CEP43: variants seen among roughly 807,000 people sequenced by gnomAD.
CEP43 encodes FGFR1 oncogene partner.
Under a neutral mutation model 52.6 loss-of-function variants are expected in CEP43, and 36 were observed. The ratio of observed to expected loss-of-function variants is 0.68; its 90% CI spans 0.52 to 0.90. The LOEUF (loss-of-function observed/expected upper bound fraction) is 0.90. CEP43 is among the 40% of genes least tolerant of loss of function. CEP43 has a pLI of 0.00. For synonymous variants in CEP43, 192 were observed against 172.4 expected (o/e 1.11, Z -0.89); for missense variants, 506 against 472.8 (o/e 1.07, Z -0.65).
In CEP43 at chr6:167,022,588, T is replaced by G. The variant is rs1780261899; in HGVS notation, c.759T>G (p.Asp253Glu). 6.2e-7 allele frequency: 1 copy of G among 1,614,014 alleles called. No homozygotes were observed. The highest frequency in any genetic ancestry group is 1.7e-5 in the Admixed American group (1 of 60,000). ...LCPDEDDMEGDSFFDDPIPKP... is the reference protein window; with the variant it reads ...LCPDEDDMEGESFFDDPIPKP... The stretch of plus-strand genomic sequence containing the variant: ...CAGATGAAGATGATATGGAAGGAGA[T>G]TCTTTCTTTGATGATCCCATTCCTA... The change falls in exon 8 of 13, where the codon GAT (aspartate) becomes GAG (glutamate). Residue 253 changes from aspartate to glutamate, a missense_variant. Coordinates refer to ENST00000366847, the MANE Select transcript of CEP43 (RefSeq NM_007045.4).
intron 7 of CEP43, among the ~76,000 whole-genome samples, chr6:167,014,836 T>C (rs920873082): frequency 1.3e-5 from 2 of 152,246 alleles, no homozygotes; most frequent in East Asian, 1.9e-4. Flanking sequence ...TTAAGGAGTT[T>C]ATAGTTTAAT....
rs974373726 is a variant in CEP43 at position 167,051,721 on chromosome 6, A to G, written c.*11743A>G. 4 of 152,092 alleles carry G rather than the reference A, an allele frequency of 2.6e-5. No homozygotes were observed. Among genetic ancestry groups the G allele is most frequent in the Non-Finnish European group, 4.4e-5 (3 of 68,018 alleles). 9.4% of individuals were successfully genotyped at this position (152,092 alleles called of 1,614,324 possible). A position where few individuals can be genotyped will look rare whatever the true frequency, so the allele number is the denominator to read the frequency against. On this transcript the variant is annotated 3_prime_UTR_variant, in exon 13 of 13. Transcript: ENST00000366847. ...TTGTAAAATATTCCTTTTTATCTCT[A>G]GTATTTTTTGTCTGTTTGACTTAAA...
chr6:167,003,930 G>A, intron 4 of CEP43, 119 bp downstream of exon 4: 1 of 696,616 alleles, frequency 1.4e-6, no homozygotes, highest in Non-Finnish European at 2.4e-6. Context: ...ATTATTTTTG[G>A]TAGTTGATTA....
intron 1 of CEP43, chr6:166,999,782 G>T: frequency 5.7e-6 from 3 of 526,250 alleles, no homozygotes; most frequent in Non-Finnish European, 3.3e-6. Flanking sequence ...CGCGGGGCTT[G>T]GGGGCCACAC....
chr6:167,008,590 C>T (rs1357804503), intron 5 of CEP43, among the ~76,000 whole-genome samples: 3 of 152,136 alleles, frequency 2.0e-5, no homozygotes, highest in Non-Finnish European at 2.9e-5. Flanking sequence ...GCCTCAGCCT[C>T]CCGAGTAGCT....
rs1201100503 is a variant in CEP43, at chr6:167,040,153, C to G, written c.*175C>G. On this transcript the variant is annotated 3_prime_UTR_variant, in exon 13 of 13. Transcript: ENST00000366847. ...TTCATTTTACTAAACAAAATACTTC[C>G]TATTTGAGCCCATGTGTGGAAGATT... 5.9e-5 allele frequency: 91 copies of G among 1,538,982 alleles called. No individual in the cohort carries two copies. The highest frequency in any genetic ancestry group is 7.8e-5 in the Non-Finnish European group (89 of 1,145,144).
At chr6:167,003,428 T>A in intron 3 of CEP43, 181 bp downstream of exon 3, 2 of 506,154 alleles carry the variant, frequency 4.0e-6, no homozygotes, top group East Asian at 6.4e-5. Context: ...GGATTTGGGA[T>A]GTTGTTGCTT....
chr6:167,012,801 G>C (rs1445059874), intron 6 of CEP43, among the ~76,000 whole-genome samples: 2 of 152,164 alleles, frequency 1.3e-5, no homozygotes, highest in Admixed American at 6.5e-5. Context: ...CTGTCCTGAG[G>C]CTGCTTTAGA....
At chr6:167,021,837 T>C (rs7749278) in intron 7 of CEP43, among the ~76,000 whole-genome samples, 64,625 of 152,046 alleles carry the variant, frequency 0.43, 13,931 homozygotes, top group Non-Finnish European at 0.47. Context: ...GTTAGAAATA[T>C]GAGTGGTTGA....
At chr6:167,023,058 G>A (rs181392258) in intron 8 of CEP43, among the ~76,000 whole-genome samples, 3 of 152,262 alleles carry the variant, frequency 2.0e-5, no homozygotes, top group Non-Finnish European at 4.4e-5. Context: ...AATTGGAGGG[G>A]GCCTCACTTG....
At chr6:167,008,888 A>G (rs956740147) in intron 5 of CEP43, among the ~76,000 whole-genome samples, 10 of 152,234 alleles carry the variant, frequency 6.6e-5, no homozygotes, top group Admixed American at 3.9e-4. Flanking sequence ...TGGAGAAGTT[A>G]GCAGACTAGA....
At chr6:167,004,237 G>A (rs41269603) in intron 4 of CEP43, 27 bp from the exon 5 acceptor site, 27,490 of 1,573,726 alleles carry the variant, frequency 0.017, 404 homozygotes, top group East Asian at 0.076. Flanking sequence ...ATTTTTTTGT[G>A]CACTTGTATT....
chr6:167,015,457 A>G (rs1336723004), intron 7 of CEP43, among the ~76,000 whole-genome samples: 2 of 152,176 alleles, frequency 1.3e-5, no homozygotes, highest in African/African-American at 4.8e-5. Flanking sequence ...TCCAGATGCT[A>G]TGTTGCATGT....
intron 4 of CEP43, 99 bp downstream of exon 4, chr6:167,003,910 T>G (rs1779794492): frequency 7.9e-6 from 6 of 761,060 alleles, no homozygotes; most frequent in African/African-American, 1.8e-5. Context: ...TGATAGTTTT[T>G]TACATTTAGA....
At position 167,047,764 on chromosome 6, in the gene CEP43, TC is replaced by T. The variant is rs1780820721; in HGVS notation, c.*7789del. The stretch of plus-strand genomic sequence containing the variant: ...ATGACCTGGCAGCTTTTTTCTCATA[TC>T]CCTGTTAGCGGTATGTGGTAAGAAC... On this transcript the variant is annotated 3_prime_UTR_variant, in exon 13 of 13. Coordinates refer to ENST00000366847, the MANE Select transcript of CEP43 (RefSeq NM_007045.4). 1 of 152,114 alleles carries T rather than the reference TC, an allele frequency of 6.6e-6. No individual in the cohort carries two copies. Among genetic ancestry groups the T allele is most frequent in the Non-Finnish European group, 1.5e-5 (1 of 68,020 alleles). The allele number at this position is 152,114 out of a possible 1,614,324, so 9.4% of individuals were successfully genotyped here. A position where few individuals can be genotyped will look rare whatever the true frequency, so the allele number is the denominator to read the frequency against.
intron 5 of CEP43, among the ~76,000 whole-genome samples, chr6:167,006,757 G>C (rs1159049024): frequency 6.6e-6 from 1 of 152,168 alleles, no homozygotes; most frequent in Admixed American, 6.5e-5. Context: ...TAGTATTACT[G>C]TTTCTTGTTA....
At chr6:167,027,013 C>T (rs9459845) in intron 10 of CEP43, among the ~76,000 whole-genome samples, 3 of 151,958 alleles carry the variant, frequency 2.0e-5, no homozygotes, top group Non-Finnish European at 4.4e-5. Context: ...TGGTTAAGTA[C>T]ATGTATAAGA....
At chr6:167,034,614 T>C (rs1397516262) in intron 12 of CEP43, among the ~76,000 whole-genome samples, 1 of 152,212 alleles carries the variant, frequency 6.6e-6, no homozygotes, top group Non-Finnish European at 1.5e-5. Context: ...GGGGACTTGC[T>C]TTCCAGAACA....
At chr6:167,030,006 G>A (rs975578320) in intron 10 of CEP43, among the ~76,000 whole-genome samples, 5 of 152,214 alleles carry the variant, frequency 3.3e-5, no homozygotes, top group African/African-American at 1.2e-4. Flanking sequence ...TTAGGGTAGG[G>A]CAGAAACAAA....
Sources: gnomAD v4.1 joint callset for allele counts (sites outside exome capture counted in the v4.1 genomes callset) on GRCh38, gnomAD v4.1.1 for gene constraint, MANE v1.5 for transcripts, NCBI Gene and HGNC (gene_info 2026-07-23, HGNC 2026-07-21) for gene names.